FARS2: variants seen among roughly 807,000 people sequenced by gnomAD.
FARS2 encodes the protein phenylalanyl-tRNA synthetase 2, mitochondrial, also known as phenylalanine--tRNA ligase, mitochondrial.
A neutral mutation model predicts 46.4 loss-of-function variants in FARS2; 40 were observed. That is an observed-to-expected ratio of 0.86 (90% confidence interval 0.67 to 1.12). FARS2 has a LOEUF of 1.12. Ranked by LOEUF, FARS2 falls within the 50% of genes most tolerant of loss-of-function variation. FARS2 has a pLI of 0.00. For missense variants in FARS2, 513 were observed against 567.9 expected (o/e 0.90, Z 0.98); for synonymous variants, 234 against 214.9 (o/e 1.09, Z -0.78).
chr6:5,626,292 C>G (rs1561761875), intron 6 of FARS2, among the ~76,000 whole-genome samples: 1 of 152,140 alleles, frequency 6.6e-6, no homozygotes, highest in Non-Finnish European at 1.5e-5. Context: ...TGTTCATACT[C>G]AGATATCCCA....
chr6:5,585,280 C>G (rs954745546), intron 5 of FARS2, among the ~76,000 whole-genome samples: 2 of 152,016 alleles, frequency 1.3e-5, no homozygotes, highest in Admixed American at 1.3e-4. Context: ...TTAACATATC[C>G]ATCACCACTC....
intron 4 of FARS2, among the ~76,000 whole-genome samples, chr6:5,435,624 G>A (rs1472539796): frequency 1.3e-5 from 2 of 152,112 alleles, no homozygotes; most frequent in Non-Finnish European, 2.9e-5. Flanking sequence ...GGACAGTACT[G>A]AGTCACGTCC....
rs578150090 is a variant in FARS2 at position 5,282,382 on chromosome 6, G to A, written c.-22+20722G>A. 2.6e-5 allele frequency among the ~76,000 whole-genome samples: 4 copies of A among 152,290 alleles called. No individual in the cohort carries two copies. In the South Asian group the frequency reaches 8.3e-4, roughly 32 times the overall value. On this transcript the variant is annotated intron_variant, in intron 1 of 6. Transcript: ENST00000274680. ...TGGTCCATGGCGCTTAGGGGAGGGA[G>A]CATTCACATCCCAGGCGGACACCAG...
At chr6:5,669,555 G>A (rs1450818588) in intron 6 of FARS2, among the ~76,000 whole-genome samples, 1 of 152,152 alleles carries the variant, frequency 6.6e-6, no homozygotes, top group Non-Finnish European at 1.5e-5. Flanking sequence ...GCTTGCTGTT[G>A]TGTTGCTCTT....
intron 1 of FARS2, among the ~76,000 whole-genome samples, chr6:5,360,592 C>T (rs775845170): frequency 1.3e-5 from 2 of 152,170 alleles, no homozygotes; most frequent in Admixed American, 1.3e-4. Context: ...TCTGTGCATC[C>T]AAGCTGGCTT....
intron 6 of FARS2, among the ~76,000 whole-genome samples, chr6:5,667,382 G>C (rs190269316): frequency 6.6e-6 from 1 of 151,948 alleles, no homozygotes; most frequent in Non-Finnish European, 1.5e-5. Context: ...GCCTGGTGTG[G>C]TGGTGCATGC....
intron 4 of FARS2, among the ~76,000 whole-genome samples, chr6:5,534,060 C>A (rs1046350386): frequency 1.6e-4 from 24 of 152,166 alleles, no homozygotes; most frequent in African/African-American, 5.3e-4. Flanking sequence ...CCTATCATTG[C>A]TGTTCTTCAT....
chr6:5,342,410 C>T (rs777081696), intron 1 of FARS2, among the ~76,000 whole-genome samples: 2 of 152,142 alleles, frequency 1.3e-5, no homozygotes. Context: ...CTGATACTAA[C>T]AGCCAGACAA....
At chr6:5,627,643 T>A (rs1776100256) in intron 6 of FARS2, among the ~76,000 whole-genome samples, 2 of 152,246 alleles carry the variant, frequency 1.3e-5, no homozygotes, top group Non-Finnish European at 2.9e-5. Context: ...ATCACTGCAC[T>A]GAGTTACTAT....
Position 5,320,575 on chromosome 6 carries a change from A to G in FARS2, c.-21-47975A>G, listed in dbSNP as rs369344870. On this transcript the variant is annotated intron_variant, in intron 1 of 6. Transcript: ENST00000274680. ...TTTTAACATCAACATTTATTTTCAT[A>G]GCTGGAATATTGGTGGGAGAAAGTA... is the stretch of plus-strand genomic sequence containing the variant. 3.7e-4 allele frequency among the ~76,000 whole-genome samples: 57 copies of G among 152,376 alleles called. No homozygotes were observed. The South Asian group carries it at 9.3e-3, about 25-fold the overall frequency.
At chr6:5,457,363 C>T (rs753310632) in intron 4 of FARS2, among the ~76,000 whole-genome samples, 14 of 152,188 alleles carry the variant, frequency 9.2e-5, no homozygotes, top group Admixed American at 2.0e-4. Flanking sequence ...TTTCTTCCTC[C>T]CTGAATCTCT....
intron 4 of FARS2, among the ~76,000 whole-genome samples, chr6:5,437,568 A>G (rs1393660413): frequency 2.6e-5 from 4 of 152,140 alleles, no homozygotes; most frequent in African/African-American, 9.7e-5. Flanking sequence ...TGTTTTCACG[A>G]GGAATTGTTC....
intron 5 of FARS2, among the ~76,000 whole-genome samples, chr6:5,607,867 T>C (rs1052986174): frequency 6.6e-6 from 1 of 151,940 alleles, no homozygotes; most frequent in African/African-American, 2.4e-5. Context: ...AAAGAAAGGA[T>C]ATAGAAGATT....
At chr6:5,637,270 G>A (rs1173472937) in intron 6 of FARS2, among the ~76,000 whole-genome samples, 1 of 152,200 alleles carries the variant, frequency 6.6e-6, no homozygotes, top group African/African-American at 2.4e-5. Flanking sequence ...ATCACAACTA[G>A]GTAGTTGTAT....
intron 6 of FARS2, among the ~76,000 whole-genome samples, chr6:5,622,797 T>C (rs1186275807): frequency 6.6e-6 from 1 of 152,224 alleles, no homozygotes; most frequent in African/African-American, 2.4e-5. Flanking sequence ...AATTACTCAA[T>C]CTAAGCTACT....
chr6:5,496,442 G>A (rs1260940036), intron 4 of FARS2, among the ~76,000 whole-genome samples: 1 of 152,206 alleles, frequency 6.6e-6, no homozygotes, highest in East Asian at 1.9e-4. Context: ...GAGCATACAA[G>A]AGATGAGGGT....
At chr6:5,563,040 G>C (rs1278753166) in intron 5 of FARS2, among the ~76,000 whole-genome samples, 1 of 151,850 alleles carries the variant, frequency 6.6e-6, no homozygotes, top group Non-Finnish European at 1.5e-5. Flanking sequence ...AGGCAAGAAG[G>C]AAGGGAGAGG....
At chr6:5,615,960 C>T (rs1049960145) in intron 6 of FARS2, among the ~76,000 whole-genome samples, 4 of 136,492 alleles carry the variant, frequency 2.9e-5, no homozygotes, top group African/African-American at 8.2e-5. Context: ...ACTCCATTAT[C>T]AACACTTGGA....
chr6:5,761,191 A>C (rs1206671695), intron 6 of FARS2, among the ~76,000 whole-genome samples: 1 of 152,168 alleles, frequency 6.6e-6, no homozygotes, highest in Non-Finnish European at 1.5e-5. Context: ...CAAGTTGTCT[A>C]TGGTCCATGC....
Sources: gnomAD v4.1 joint callset for allele counts (sites outside exome capture counted in the v4.1 genomes callset) on GRCh38, gnomAD v4.1.1 for gene constraint, MANE v1.5 for transcripts, NCBI Gene and HGNC (gene_info 2026-07-23, HGNC 2026-07-21) for gene names.